CPAMD8: variants seen among roughly 807,000 people sequenced by gnomAD.
CPAMD8 encodes the protein C3 and PZP-like alpha-2-macroglobulin domain-containing protein 8.
CPAMD8 carries 146 observed loss-of-function variants against 224.7 expected under a neutral mutation model. That is an observed-to-expected ratio of 0.65 (90% CI 0.57 to 0.75). CPAMD8 has a LOEUF of 0.75. CPAMD8 is among the 30% of genes least tolerant of loss of function. The pLI, the probability that CPAMD8 is intolerant of heterozygous loss-of-function variation, is 0.00. For synonymous variants in CPAMD8, 966 were observed against 1,044.6 expected, an observed-to-expected ratio of 0.92 and a Z score of 1.45; for missense variants, 2,301 against 2,537.5, an observed-to-expected ratio of 0.91 and a Z score of 2.00.
rs746122182 is a variant in CPAMD8, at chr19:16,925,314, G to A, written c.3429C>T (p.Gly1143=). 3.7e-6 allele frequency: 6 copies of A among 1,614,104 alleles called. No homozygotes were observed. In the African/African-American group the frequency reaches 8.0e-5, roughly 22 times the overall value. ...AGTGGATCATGTTCTGCTCTCCACA[G>A]CCAAACGGCAGCCGCAGGAGGTTGT... The part of the protein sequence containing the change: ...HLNNLLRLPF[G]CGEQNMIHFA... The change falls in exon 26 of 42, where the codon GGC becomes GGT. Residue 1143 remains glycine, a synonymous_variant. Coordinates refer to ENST00000443236, the MANE Select transcript of CPAMD8 (RefSeq NM_015692.5).
chr19:16,901,301 C>G lies in CPAMD8; in HGVS notation c.4686-4G>C. On this transcript the variant is annotated splice_region_variant and splice_polypyrimidine_tract_variant and intron_variant, in intron 35 of 41. Coordinates refer to ENST00000443236, the MANE Select transcript of CPAMD8 (RefSeq NM_015692.5). ...GGAAGACCCTGCATGCAGCCACCTTCCAACAACAGGGGAGAGAGAGAGGCC... is the reference window on the plus strand; with the variant it reads ...GGAAGACCCTGCATGCAGCCACCTTGCAACAACAGGGGAGAGAGAGAGGCC... 6.2e-7 allele frequency: 1 copy of G among 1,600,516 alleles called. No homozygotes were observed. The highest frequency in any genetic ancestry group is 1.1e-5 in the South Asian group (1 of 90,188).
At chr19:16,906,407 T>TTCCTTCCTTCCTTCCTTCCTTCC (rs2052515486) in intron 30 of CPAMD8, among the ~76,000 whole-genome samples, 1 of 69,890 alleles carries the variant, frequency 1.4e-5, no homozygotes, top group Non-Finnish European at 2.8e-5. Flanking sequence ...TCTTTCTTTC[T>TTCCTTCCTTCCTTCCTTCCTTCC]TTCCTTCCTT....
Position 16,982,332 on chromosome 19 carries a change from C to T in CPAMD8, c.1396-1646G>A, listed in dbSNP as rs181178591. Among the ~76,000 whole-genome samples, 49 of 151,560 alleles carry T rather than the reference C, an allele frequency of 3.2e-4. No homozygotes were observed. The East Asian group carries it at 6.2e-3, about 19-fold the overall frequency. ...CACTTGAGCCAGGGAGGTCGATGTG[C>T]GGTGAGTCATGATCATGCCACTGCA... is the stretch of plus-strand genomic sequence containing the variant. On this transcript the variant is annotated intron_variant, in intron 13 of 41. Transcript: ENST00000443236.
intron 17 of CPAMD8, among the ~76,000 whole-genome samples, chr19:16,973,827 C>CTTTT (rs559363114): frequency 6.8e-5 from 8 of 118,328 alleles, no homozygotes; most frequent in South Asian, 2.7e-4. Flanking sequence ...AGCATTAGCC[C>CTTTT]TTTTTTTTTT....
At chr19:16,947,593 C>T (rs916035214) in intron 20 of CPAMD8, among the ~76,000 whole-genome samples, 1 of 152,188 alleles carries the variant, frequency 6.6e-6, no homozygotes, top group Non-Finnish European at 1.5e-5. Flanking sequence ...TCTCCCACAG[C>T]AGGTCCACAG....
rs2052129616 is a variant in CPAMD8 at position 16,898,620 on chromosome 19, C to T, written c.4849-626G>A. On this transcript the variant is annotated intron_variant, in intron 37 of 41. Coordinates refer to ENST00000443236, the MANE Select transcript of CPAMD8 (RefSeq NM_015692.5). The surrounding 1 kb of genome is among the most constrained non-coding windows in gnomAD (Gnocchi z 4.2). ...CCATCAGCACTCACTCCCCACTCCC[C>T]CAGCCCCTGGCAACCACAAATCTTT... is the stretch of plus-strand genomic sequence containing the variant. Among the ~76,000 whole-genome samples the T allele has an allele frequency of 6.6e-6, 1 of 152,176 alleles. No individual in the cohort carries two copies. Among genetic ancestry groups the T allele is most frequent in the Non-Finnish European group, 1.5e-5 (1 of 68,030 alleles).
intron 20 of CPAMD8, among the ~76,000 whole-genome samples, chr19:16,951,449 A>T (rs943104674): frequency 5.3e-5 from 8 of 152,190 alleles, no homozygotes; most frequent in African/African-American, 1.9e-4. Context: ...ATCAAGTTTT[A>T]TTGGAACACA....
At chr19:16,942,991 T>A (rs987150648) in intron 22 of CPAMD8, among the ~76,000 whole-genome samples, 4 of 142,524 alleles carry the variant, frequency 2.8e-5, no homozygotes, top group African/African-American at 8.0e-5. Flanking sequence ...TGTGTTTGAC[T>A]TTTTTCTTTT....
intron 27 of CPAMD8, among the ~76,000 whole-genome samples, chr19:16,918,609 G>T (rs1398245637): frequency 6.6e-6 from 1 of 151,806 alleles, no homozygotes; most frequent in Non-Finnish European, 1.5e-5. Context: ...ACCACGCCCA[G>T]CTTATTTTTA....
chr19:16,989,662 G>C lies in CPAMD8; in HGVS notation c.1376C>G (p.Pro459Arg). The C allele has an allele frequency of 1.2e-6, 2 of 1,613,974 alleles. No homozygotes were observed. Among genetic ancestry groups the C allele is most frequent in the Non-Finnish European group, 1.7e-6 (2 of 1,179,932 alleles). ...TCTTACCTGCAGTGGGTGGGAGGGT[G>C]GCTGCAGCTGCAGGTAGCACTGGCT... ...SPSQCYLQLQ[P>R]PSHPLQVGEE... Residue 459 changes from proline (P) to arginine (R), a missense_variant, in exon 13 of 42, where the codon CCA becomes CGA. Around this residue, in one of 4 missense-constraint regions of CPAMD8, gnomAD observed 301 missense variants for 406.6 expected, o/e 0.74. Coordinates refer to ENST00000443236, the MANE Select transcript of CPAMD8 (RefSeq NM_015692.5).
chr19:16,953,263 T>C (rs964376057), intron 19 of CPAMD8, among the ~76,000 whole-genome samples: 1 of 149,398 alleles, frequency 6.7e-6, no homozygotes. Context: ...ATAAAACTCT[T>C]AGAAGAAAAC....
chr19:16,947,348 C>T, intron 20 of CPAMD8, 121 bp from the exon 21 acceptor site: 1 of 1,235,830 alleles, frequency 8.1e-7, no homozygotes, highest in South Asian at 1.5e-5. Context: ...CCCAAAGAGC[C>T]ATGCTCCCCC....
At chr19:16,951,505 A>AT (rs750589797) in intron 20 of CPAMD8, among the ~76,000 whole-genome samples, 3 of 152,164 alleles carry the variant, frequency 2.0e-5, no homozygotes, top group Non-Finnish European at 4.4e-5. Context: ...CTTTTATGCT[A>AT]TAAGGGCTGA....
At chr19:16,932,241 G>A (rs536581157) in intron 23 of CPAMD8, among the ~76,000 whole-genome samples, 17 of 152,110 alleles carry the variant, frequency 1.1e-4, no homozygotes, top group Middle Eastern at 3.4e-3. Context: ...GCAACATGGC[G>A]AAACCCCATC....
At chr19:16,958,702 T>C (rs539048514) in intron 18 of CPAMD8, among the ~76,000 whole-genome samples, 152 of 152,324 alleles carry the variant, frequency 1.0e-3, no homozygotes, top group African/African-American at 3.4e-3. Context: ...ACCACACTGC[T>C]TTCCACAATG....
chr19:17,004,343 C>T lies in CPAMD8; in HGVS notation c.603G>A (p.Leu201=). The T allele has an allele frequency of 6.2e-7, 1 of 1,613,778 alleles. No individual in the cohort carries two copies. The highest frequency in any genetic ancestry group is 8.5e-7 in the Non-Finnish European group (1 of 1,179,702). ...TTTCAACAAAAATGAACCATTCTCC[C>T]AACACAGGCTGGTCGGACAAGGGGA... ...MSFPLSDQPV[L]GEWFIFVEMQ... The change falls in exon 8 of 42, where the codon TTG becomes TTA. Residue 201 remains leucine (L), a synonymous_variant. Transcript: ENST00000443236.
chr19:16,997,874 TC>T lies in CPAMD8; in HGVS notation c.868-537del, dbSNP rs569904630. ...GAAAGAGATTCCCATGCTGACACAA[TC>T]TCCCACAGCCCAGGCAACAGAGGGG... On this transcript the variant is annotated intron_variant, in intron 10 of 41. Coordinates refer to ENST00000443236, the MANE Select transcript of CPAMD8 (RefSeq NM_015692.5). Among the ~76,000 whole-genome samples the T allele has an allele frequency of 6.5e-3, 979 of 151,190 alleles. 13 individuals are homozygous for T. The highest frequency in any genetic ancestry group is 0.059 in the Middle Eastern group (17 of 290).
intron 14 of CPAMD8, among the ~76,000 whole-genome samples, chr19:16,977,797 C>T (rs748537191): frequency 2.0e-5 from 3 of 152,138 alleles, no homozygotes; most frequent in African/African-American, 7.2e-5. Context: ...TCCTCTCTGC[C>T]GGGGAACATG....
At chr19:16,925,956 T>A (rs888553345) in intron 25 of CPAMD8, among the ~76,000 whole-genome samples, 1 of 152,062 alleles carries the variant, frequency 6.6e-6, no homozygotes, top group African/African-American at 2.4e-5. Flanking sequence ...AGACAGGGTT[T>A]CATCATGTTG....
Sources: gnomAD v4.1 joint callset for allele counts (sites outside exome capture counted in the v4.1 genomes callset) on GRCh38, gnomAD v4.1.1 for gene constraint, gnomAD v4.1.1 regional missense constraint, Gnocchi (gnomAD v3.1) non-coding constraint, MANE v1.5 for transcripts, NCBI Gene and HGNC (gene_info 2026-07-23, HGNC 2026-07-21) for gene names.